CCBE1: variants seen among roughly 807,000 people sequenced by gnomAD.
The protein encoded by CCBE1 is collagen and calcium binding EGF domains 1.
A neutral mutation model predicts 50.0 loss-of-function variants in CCBE1; 37 were observed. That is an observed-to-expected ratio of 0.74 (90% CI 0.57 to 0.97). The LOEUF (loss-of-function observed/expected upper bound fraction) is 0.97, where lower values mean the gene tolerates loss of function less well. Ranked by LOEUF, CCBE1 falls within the 50% of genes least tolerant of loss-of-function variation. CCBE1 has a pLI of 0.00. For synonymous variants in CCBE1, 234 were observed against 203.7 expected (o/e 1.15, Z -1.27); for missense variants, 538 against 523.8 (o/e 1.03, Z -0.26).
chr18:59,649,746 C>T (rs573846154), intron 2 of CCBE1, among the ~76,000 whole-genome samples: 1 of 152,108 alleles, frequency 6.6e-6, no homozygotes, highest in Non-Finnish European at 1.5e-5. Context: ...TCTCACAACA[C>T]AAAAGTAAAA....
At chr18:59,686,624 A>T (rs1167177031) in intron 2 of CCBE1, among the ~76,000 whole-genome samples, 2 of 152,108 alleles carry the variant, frequency 1.3e-5, no homozygotes. Flanking sequence ...GCCTTTTGTG[A>T]TACCTATTTT....
chr18:59,687,920 C>T (rs2054679083), intron 2 of CCBE1, among the ~76,000 whole-genome samples: 1 of 152,098 alleles, frequency 6.6e-6, no homozygotes, highest in Non-Finnish European at 1.5e-5. Context: ...GAGATTGCAC[C>T]ACTGCCCTCC....
At chr18:59,570,827 G>A (rs1367710064) in intron 2 of CCBE1, among the ~76,000 whole-genome samples, 2 of 152,176 alleles carry the variant, frequency 1.3e-5, no homozygotes, top group Non-Finnish European at 2.9e-5. Flanking sequence ...ACTGGCTCCA[G>A]GAGAGCCGGA....
intron 2 of CCBE1, among the ~76,000 whole-genome samples, chr18:59,544,374 A>G (rs1473247470): frequency 6.6e-6 from 1 of 152,244 alleles, no homozygotes; most frequent in Non-Finnish European, 1.5e-5. Context: ...TTTTAAAATT[A>G]ACCCTCACCA....
At chr18:59,504,951 A>G (rs1188308459) in intron 2 of CCBE1, among the ~76,000 whole-genome samples, 1 of 151,920 alleles carries the variant, frequency 6.6e-6, no homozygotes, top group African/African-American at 2.4e-5. Context: ...AGGCAAAAAA[A>G]CCCCAAGAGT....
At chr18:59,444,601 C>T (rs181947019) in intron 7 of CCBE1, among the ~76,000 whole-genome samples, 7 of 151,930 alleles carry the variant, frequency 4.6e-5, no homozygotes, top group Admixed American at 6.6e-5. Context: ...ACTGTAGCCT[C>T]GACCTCCTGG....
intron 2 of CCBE1, among the ~76,000 whole-genome samples, chr18:59,484,211 T>C (rs1417813008): frequency 1.3e-5 from 2 of 152,182 alleles, no homozygotes; most frequent in East Asian, 3.8e-4. Context: ...CTCCATTACT[T>C]GAGGCTGTCC....
intron 5 of CCBE1, among the ~76,000 whole-genome samples, chr18:59,461,750 T>TTTTTGG (rs1911490145): frequency 6.8e-6 from 1 of 147,924 alleles, no homozygotes; most frequent in African/African-American, 2.5e-5. Flanking sequence ...TTTTTTTTTT[T>TTTTTGG]GAGACAGAGT....
At chr18:59,697,136 G>A (rs1192816818) in intron 1 of CCBE1, 76 bp downstream of exon 1, 2 of 1,539,908 alleles carry the variant, frequency 1.3e-6, no homozygotes, top group Non-Finnish European at 1.8e-6. Context: ...GGGCGCCGGG[G>A]AGGACCGCCC....
At chr18:59,550,607 C>T (rs1455793078) in intron 2 of CCBE1, among the ~76,000 whole-genome samples, 1 of 152,168 alleles carries the variant, frequency 6.6e-6, no homozygotes, top group Non-Finnish European at 1.5e-5. Flanking sequence ...GTTAGGCCTG[C>T]CCAAACCGTG....
chr18:59,633,703 A>AGTCTT (rs1443818769), intron 2 of CCBE1, among the ~76,000 whole-genome samples: 23 of 152,116 alleles, frequency 1.5e-4, no homozygotes, highest in African/African-American at 5.3e-4. Context: ...ATTCAAAGAC[A>AGTCTT]GGCTGCTTCT....
At chr18:59,554,930 G>T (rs2052635257) in intron 2 of CCBE1, among the ~76,000 whole-genome samples, 1 of 152,226 alleles carries the variant, frequency 6.6e-6, no homozygotes, top group Non-Finnish European at 1.5e-5. Context: ...CTGACAGAAT[G>T]CTCCATTTTC....
intron 7 of CCBE1, among the ~76,000 whole-genome samples, 184 bp downstream of exon 7, chr18:59,447,799 T>TC (rs1286565554): frequency 6.6e-6 from 1 of 152,246 alleles, no homozygotes; most frequent in Non-Finnish European, 1.5e-5. Flanking sequence ...TATGAGGGTT[T>TC]CTCAGGCTTG....
At chr18:59,532,200 G>A (rs936765741) in intron 2 of CCBE1, among the ~76,000 whole-genome samples, 5 of 152,074 alleles carry the variant, frequency 3.3e-5, no homozygotes, top group South Asian at 2.1e-4. Flanking sequence ...CAAAATAGCT[G>A]GAAATACAGC....
At chr18:59,696,761 G>A (rs757051090) in intron 1 of CCBE1, 52 bp from the exon 2 acceptor site, 1 of 1,585,066 alleles carries the variant, frequency 6.3e-7, no homozygotes, top group Admixed American at 1.7e-5. Flanking sequence ...GAGCGGAGGC[G>A]GGCAGCGCGC....
intron 2 of CCBE1, among the ~76,000 whole-genome samples, chr18:59,665,003 G>A (rs1426693169): frequency 6.6e-6 from 1 of 152,120 alleles, no homozygotes; most frequent in African/African-American, 2.4e-5. Context: ...TCTTGTGTAA[G>A]TCTGGTAGCA....
chr18:59,647,200 A>T (rs1014344366), intron 2 of CCBE1, among the ~76,000 whole-genome samples: 2 of 152,248 alleles, frequency 1.3e-5, no homozygotes, highest in Admixed American at 1.3e-4. Context: ...AAAAATACCC[A>T]CATTAAGCAA....
chr18:59,501,003 C>A (rs1038231565), intron 2 of CCBE1, among the ~76,000 whole-genome samples: 1 of 152,184 alleles, frequency 6.6e-6, no homozygotes, highest in African/African-American at 2.4e-5. Context: ...TACAGGTGGA[C>A]AAAGGGAGTG....
At chr18:59,610,883 C>T (rs1409712728) in intron 2 of CCBE1, among the ~76,000 whole-genome samples, 1 of 152,244 alleles carries the variant, frequency 6.6e-6, no homozygotes, top group African/African-American at 2.4e-5. Flanking sequence ...AGGCTGCCAA[C>T]AGCAAAAGGG....
Sources: gnomAD v4.1 joint callset for allele counts (sites outside exome capture counted in the v4.1 genomes callset) on GRCh38, gnomAD v4.1.1 for gene constraint, MANE v1.5 for transcripts, NCBI Gene and HGNC (gene_info 2026-07-23, HGNC 2026-07-21) for gene names.